The following RNF130 variants were observed in gnomAD, a reference collection of about 807,000 sequenced individuals.
RNF130 encodes the protein E3 ubiquitin-protein ligase RNF130.
RNF130 carries 21 observed loss-of-function variants against 44.6 expected under a neutral mutation model. The observed-to-expected ratio is 0.47, with a 90% confidence interval of 0.33 to 0.68. The LOEUF (loss-of-function observed/expected upper bound fraction) is 0.68, where lower values mean the gene tolerates loss of function less well. Ranked by LOEUF, RNF130 falls within the 30% of genes least tolerant of loss-of-function variation. RNF130 has a pLI of 0.02. For missense variants in RNF130, 479 were observed against 560.6 expected (o/e 0.85, Z 1.47); for synonymous variants, 214 against 210.4 (o/e 1.02, Z -0.15).
At chr5:180,045,433 C>CTGAGA (rs2113149244) in intron 1 of RNF130, among the ~76,000 whole-genome samples, 1 of 152,296 alleles carries the variant, frequency 6.6e-6, no homozygotes, top group South Asian at 2.1e-4. Context: ...GTGAGTGTTA[C>CTGAGA]AGCTCATAAA....
At chr5:179,967,819 C>T (rs1008476105) in intron 6 of RNF130, among the ~76,000 whole-genome samples, 2 of 152,176 alleles carry the variant, frequency 1.3e-5, no homozygotes, top group Non-Finnish European at 2.9e-5. Flanking sequence ...AGAACTGTTT[C>T]AGGTCATCTC....
At chr5:179,940,040 G>T in intron 7 of RNF130, 1 of 219,424 alleles carries the variant, frequency 4.6e-6, no homozygotes, top group Non-Finnish European at 9.0e-6. Flanking sequence ...TTTAGTCTCA[G>T]GACTTTTATC....
intron 2 of RNF130, among the ~76,000 whole-genome samples, chr5:180,032,634 A>G (rs1232090113): frequency 6.6e-6 from 1 of 152,152 alleles, no homozygotes; most frequent in Non-Finnish European, 1.5e-5. Context: ...TTTGTTGAAA[A>G]TCAATTGACC....
At chr5:179,923,140 G>A (rs152238) in intron 7 of RNF130, among the ~76,000 whole-genome samples, 64,939 of 151,794 alleles carry the variant, frequency 0.43, 14,702 homozygotes, top group East Asian at 0.75. Flanking sequence ...AGATTTTCTC[G>A]TACATGTTCA....
At chr5:180,067,853 G>C (rs118109046) in intron 1 of RNF130, among the ~76,000 whole-genome samples, 2 of 152,002 alleles carry the variant, frequency 1.3e-5, no homozygotes, top group Non-Finnish European at 2.9e-5. Context: ...TCCTGTTTTC[G>C]CATCAATCTC....
chr5:180,046,076 C>T (rs1764558502), intron 1 of RNF130, among the ~76,000 whole-genome samples: 1 of 152,164 alleles, frequency 6.6e-6, no homozygotes, highest in African/African-American at 2.4e-5. Flanking sequence ...AGGCCCTGCC[C>T]CATGGGGAGG....
intron 1 of RNF130, among the ~76,000 whole-genome samples, chr5:180,051,399 G>A (rs1434444854): frequency 2.6e-5 from 4 of 152,016 alleles, no homozygotes; most frequent in East Asian, 1.9e-4. Context: ...ACAGGTGCCC[G>A]CCATCACACC....
rs1032344550 is a variant in RNF130, at chr5:179,977,877, T to G, written c.848+326A>C. ...CTCAAAAAATAAATAAATAAATAAATAAAAGAAAACAAACATAAAAAGATA... is the reference window on the plus strand; with the variant it reads ...CTCAAAAAATAAATAAATAAATAAAGAAAAGAAAACAAACATAAAAAGATA... On this transcript the variant is annotated intron_variant, in intron 5 of 8. Coordinates refer to ENST00000521389, the MANE Select transcript of RNF130 (RefSeq NM_018434.6). The surrounding 1 kb of genome is among the most constrained non-coding windows in gnomAD (Gnocchi z 4.1). 1.3e-5 allele frequency among the ~76,000 whole-genome samples: 2 copies of G among 151,992 alleles called. No homozygotes were observed. The highest frequency in any genetic ancestry group is 2.4e-5 in the African/African-American group (1 of 41,386).
intron 7 of RNF130, among the ~76,000 whole-genome samples, chr5:179,937,107 G>A (rs902021013): frequency 5.4e-5 from 8 of 149,114 alleles, no homozygotes; most frequent in African/African-American, 2.1e-4. Flanking sequence ...TCATTAAAAC[G>A]AAATATCATC....
intron 1 of RNF130, among the ~76,000 whole-genome samples, chr5:180,054,278 G>A (rs1026728320): frequency 2.6e-5 from 4 of 152,082 alleles, no homozygotes; most frequent in African/African-American, 9.7e-5. Flanking sequence ...CCTAGGATTT[G>A]CAAACTTAAA....
chr5:180,040,196 T>C (rs924858468), intron 2 of RNF130, among the ~76,000 whole-genome samples: 20 of 152,192 alleles, frequency 1.3e-4, no homozygotes, highest in African/African-American at 4.8e-4. Flanking sequence ...AAGCAAAATG[T>C]AGAAATGCAA....
intron 2 of RNF130, among the ~76,000 whole-genome samples, chr5:180,035,002 CA>C (rs1188431949): frequency 6.6e-6 from 1 of 152,090 alleles, no homozygotes; most frequent in African/African-American, 2.4e-5. Context: ...TCCAAAGAAC[CA>C]ACTTTTGGGT....
At chr5:179,952,188 A>T (rs963881845), downstream of RNF130, among the ~76,000 whole-genome samples, 1 of 152,128 alleles carries the variant, frequency 6.6e-6, no homozygotes, top group Non-Finnish European at 1.5e-5. Flanking sequence ...ACAGAGCGAG[A>T]CATCTCAAAA....
At chr5:179,959,514 G>A (rs147155569) in intron 8 of RNF130, among the ~76,000 whole-genome samples, 1 of 152,096 alleles carries the variant, frequency 6.6e-6, no homozygotes, top group African/African-American at 2.4e-5. Flanking sequence ...TGTAATCCCA[G>A]CTACTCAGAA....
chr5:179,979,889 C>T (rs1322727275), intron 4 of RNF130, among the ~76,000 whole-genome samples: 1 of 152,134 alleles, frequency 6.6e-6, no homozygotes, highest in East Asian at 1.9e-4. Context: ...CTTTTTAACG[C>T]ACAAATGGTC....
chr5:179,986,075 C>CA (rs1391610707), intron 3 of RNF130, among the ~76,000 whole-genome samples: 3 of 152,208 alleles, frequency 2.0e-5, no homozygotes, highest in African/African-American at 7.2e-5. Context: ...TTTAAGTTGT[C>CA]ATATAATGAC....
At chr5:179,954,435 C>T (rs1762171194), downstream of RNF130, among the ~76,000 whole-genome samples, 1 of 152,154 alleles carries the variant, frequency 6.6e-6, no homozygotes, top group Non-Finnish European at 1.5e-5. Context: ...CATGTATGAA[C>T]CGTGAACACA....
chr5:180,027,151 T>G (rs1764010056), intron 2 of RNF130, among the ~76,000 whole-genome samples: 1 of 151,874 alleles, frequency 6.6e-6, no homozygotes, highest in South Asian at 2.1e-4. Context: ...CAGGACGGGG[T>G]GAAAGCACGG....
chr5:180,057,310 AG>A (rs776562277), intron 1 of RNF130, among the ~76,000 whole-genome samples: 17 of 152,226 alleles, frequency 1.1e-4, no homozygotes, highest in Admixed American at 7.2e-4. Context: ...GCACTTTGGG[AG>A]GCCGAGGCGG....
Sources: allele counts gnomAD v4.1 joint callset (sites outside exome capture counted in the v4.1 genomes callset), GRCh38; gene constraint gnomAD v4.1.1; non-coding constraint Gnocchi (gnomAD v3.1); transcripts MANE v1.5; gene names NCBI Gene and HGNC (gene_info 2026-07-23, HGNC 2026-07-21).